Variants in RD3 observed in about 807,000 individuals in gnomAD.
The protein encoded by RD3 is protein RD3.
A neutral mutation model predicts 16.9 loss-of-function variants in RD3; 11 were observed. The observed-to-expected ratio is 0.65, with a 90% CI of 0.41 to 1.08. The LOEUF is 1.08. Ranked by LOEUF, RD3 falls within the 50% of genes least tolerant of loss-of-function variation. The pLI is 0.00. For missense variants in RD3, 274 were observed against 267.4 expected, an observed-to-expected ratio of 1.02 and a Z score of -0.17; for synonymous variants, 116 against 114.8, an observed-to-expected ratio of 1.01 and a Z score of -0.07.
At position 211,478,843 on chromosome 1, in the gene RD3, C is replaced by G. The variant is rs11119748; in HGVS notation, c.*193G>C. 0.15 allele frequency: 89,909 copies of G among 606,908 alleles called. 9,580 individuals are homozygous for G. Among genetic ancestry groups the G allele is most frequent in the East Asian group, 0.49 (17,237 of 35,444 alleles). The allele number at this position is 606,908 out of a possible 1,614,324, so 37.6% of individuals were successfully genotyped here. ...AGGGCGGTGCCGCTCTACGACCTAA[C>G]TCAGCTTTGTGGCCAGAGGAAGAGG... On this transcript the variant is annotated 3_prime_UTR_variant, in exon 3 of 3. Coordinates refer to ENST00000680073, the MANE Select transcript of RD3 (RefSeq NM_001164688.2).
intron 1 of RD3, among the ~76,000 whole-genome samples, chr1:211,481,740 C>T (rs1458034356): frequency 6.6e-6 from 1 of 152,088 alleles, no homozygotes; most frequent in Non-Finnish European, 1.5e-5. Flanking sequence ...AGAGAAAGGG[C>T]CTCCTGAATC....
chr1:211,481,372 C>T lies in RD3; in HGVS notation c.44G>A (p.Arg15Gln), dbSNP rs771644047. The T allele has an allele frequency of 1.1e-5, 18 of 1,613,624 alleles. No homozygotes were observed. Among genetic ancestry groups the T allele is most frequent in the African/African-American group, 2.7e-5 (2 of 74,932 alleles). Reference protein sequence around the residue: ...SWLRWNEAPSRLSTRSPAEMV... With the variant: ...SWLRWNEAPSQLSTRSPAEMV... ...CTCAGCAGGGCTCCTGGTGGACAGC[C>T]GGGATGGGGCCTCGTTCCACCGAAG... The change falls in exon 2 of 3, where the codon CGG becomes CAG. Residue 15 changes from arginine (R) to glutamine (Q), a missense_variant. Physicochemically the swap from Arg to Gln is conservative, Grantham distance 43. Coordinates refer to ENST00000680073, the MANE Select transcript of RD3 (RefSeq NM_001164688.2).
intron 1 of RD3, among the ~76,000 whole-genome samples, chr1:211,487,938 C>T (rs749627709): frequency 5.3e-5 from 8 of 152,336 alleles, no homozygotes; most frequent in Non-Finnish European, 1.2e-4. Flanking sequence ...AATTGCGATG[C>T]CACCAAAGGC....
intron 1 of RD3, among the ~76,000 whole-genome samples, chr1:211,487,791 C>T (rs757841208): frequency 2.6e-5 from 4 of 152,194 alleles, no homozygotes; most frequent in Non-Finnish European, 5.9e-5. Flanking sequence ...GAGACTGAGG[C>T]GCAGGGCTGA....
chr1:211,481,298 C>G lies in RD3; in HGVS notation c.118G>C (p.Ala40Pro). The G allele has an allele frequency of 6.2e-7, 1 of 1,614,260 alleles. No homozygotes were observed. Among genetic ancestry groups the G allele is most frequent in the Non-Finnish European group, 8.5e-7 (1 of 1,180,056 alleles). Residue 40 changes from alanine (A) to proline (P), a missense_variant, in exon 2 of 3, where the codon GCT becomes CCT. Coordinates refer to ENST00000680073, the MANE Select transcript of RD3 (RefSeq NM_001164688.2). The part of the protein sequence containing the change: ...MMELTGQMRE[A>P]ERQQRERSNA... ...CTGCGCTCCCGCTGCTGCCTCTCAG[C>G]CTCTCGCATCTGCCCCGTCAGCTCC...
At chr1:211,479,456 G>T in intron 2 of RD3, 129 bp from the exon 3 acceptor site, 1 of 823,060 alleles carries the variant, frequency 1.2e-6, no homozygotes, top group Non-Finnish European at 1.9e-6. Context: ...TGCTCCTGAA[G>T]CGAATCAGGA....
At chr1:211,480,348 A>C (rs540277110) in intron 2 of RD3, among the ~76,000 whole-genome samples, 1 of 152,288 alleles carries the variant, frequency 6.6e-6, no homozygotes, top group East Asian at 1.9e-4. Context: ...TCAAAGAAAA[A>C]GGTGTATAAT....
chr1:211,491,098 C>T (rs758203515), intron 1 of RD3, among the ~76,000 whole-genome samples: 1 of 152,188 alleles, frequency 6.6e-6, no homozygotes, highest in African/African-American at 2.4e-5. Flanking sequence ...GTCTGACTGA[C>T]CACAGTGGGA....
intron 1 of RD3, among the ~76,000 whole-genome samples, chr1:211,485,197 T>G (rs2102370780): frequency 6.6e-6 from 1 of 152,284 alleles, no homozygotes; most frequent in Non-Finnish European, 1.5e-5. Context: ...CATCTCCAGA[T>G]GGCAGGGGCT....
Position 211,476,952 on chromosome 1 carries a change from T to C in RD3, c.*2084A>G, listed in dbSNP as rs1705158907. 6.6e-6 allele frequency: 1 copy of C among 152,122 alleles called. No homozygotes were observed. The highest frequency in any genetic ancestry group is 2.1e-4 in the South Asian group (1 of 4,826). The allele number at this position is 152,122 out of a possible 1,614,324, so 9.4% of individuals were successfully genotyped here. ...TCCAGGGCACCCGGAAAGCCCACAA[T>C]GTGGAGGCCTTTTTCTAATCCTCCC... On this transcript the variant is annotated 3_prime_UTR_variant, in exon 3 of 3. Transcript: ENST00000680073.
intron 1 of RD3, among the ~76,000 whole-genome samples, chr1:211,483,360 G>C (rs892061753): frequency 2.7e-5 from 4 of 149,620 alleles, no homozygotes; most frequent in Admixed American, 2.6e-4. Context: ...TACTCAGGAG[G>C]CTGAGGCAGG....
chr1:211,487,906 G>A (rs1016518221), intron 1 of RD3, among the ~76,000 whole-genome samples: 2 of 152,212 alleles, frequency 1.3e-5, no homozygotes, highest in African/African-American at 4.8e-5. Flanking sequence ...CTCAAGAGAG[G>A]GGGGAAAACA....
At chr1:211,481,569 T>G in intron 1 of RD3, 143 bp from the exon 2 acceptor site, 2 of 693,064 alleles carry the variant, frequency 2.9e-6, no homozygotes, top group Non-Finnish European at 4.9e-6. Flanking sequence ...TGGCCTCAAG[T>G]AGGTGGCTTA....
At chr1:211,480,651 TACACACACAC>T (rs3041254) in intron 2 of RD3, among the ~76,000 whole-genome samples, 33,007 of 149,012 alleles carry the variant, frequency 0.22, 3,845 homozygotes, top group Non-Finnish European at 0.27. Flanking sequence ...GAACCCTTCC[TACACACACAC>T]ACACACACAC....
rs1201669626 is a variant in RD3, at chr1:211,477,973, G to C, written c.*1063C>G. 1 of 397,082 alleles carries C rather than the reference G, an allele frequency of 2.5e-6. No homozygotes were observed. Among genetic ancestry groups the C allele is most frequent in the Admixed American group, 4.4e-5 (1 of 22,672 alleles). The allele number at this position is 397,082 out of a possible 1,614,324, so 24.6% of individuals were successfully genotyped here. ...ATCAAGGCCTAACCATGTTAGAAAA[G>C]GGAAGGACAATGAAGCTGCAGGAAG... is the stretch of plus-strand genomic sequence containing the variant. On this transcript the variant is annotated 3_prime_UTR_variant, in exon 3 of 3. Coordinates refer to ENST00000680073, the MANE Select transcript of RD3 (RefSeq NM_001164688.2).
At chr1:211,481,480 T>G in intron 1 of RD3, 54 bp from the exon 2 acceptor site, 1 of 1,544,556 alleles carries the variant, frequency 6.5e-7, no homozygotes, top group East Asian at 2.3e-5. Context: ...TTAGTCAGAG[T>G]GGGGAACCTG....
At chr1:211,490,705 C>T (rs944482490) in intron 1 of RD3, among the ~76,000 whole-genome samples, 1 of 152,166 alleles carries the variant, frequency 6.6e-6, no homozygotes, top group Non-Finnish European at 1.5e-5. Flanking sequence ...TATAATCCAC[C>T]AAGCCAGATA....
intron 1 of RD3, among the ~76,000 whole-genome samples, chr1:211,489,090 A>G (rs1354878009): frequency 6.6e-6 from 1 of 152,132 alleles, no homozygotes; most frequent in African/African-American, 2.4e-5. Context: ...AGTTTCCCCA[A>G]TCTATAAGGG....
rs549379449 is a variant in RD3, at chr1:211,479,865, C to T, written c.297-538G>A. On this transcript the variant is annotated intron_variant, in intron 2 of 2. Transcript: ENST00000680073. ...CAGCTGGGAAGAATCACTTGTGGCC[C>T]CGACATGTCCCAGCTTCTCCCAAGG... 5.3e-5 allele frequency among the ~76,000 whole-genome samples: 8 copies of T among 152,316 alleles called. No homozygotes were observed. In the South Asian group the frequency reaches 1.7e-3, roughly 32 times the overall value.
Sources: gnomAD v4.1 joint callset for allele counts (sites outside exome capture counted in the v4.1 genomes callset) on GRCh38, gnomAD v4.1.1 for gene constraint, MANE v1.5 for transcripts, NCBI Gene and HGNC (gene_info 2026-07-23, HGNC 2026-07-21) for gene names.